The following TMEM245 variants were observed in gnomAD, a reference collection of about 807,000 sequenced individuals.
TMEM245 encodes the protein protein CG-2.
Under a neutral mutation model 101.2 loss-of-function variants are expected in TMEM245, and 69 were observed. That is an observed-to-expected ratio of 0.68 (90% confidence interval 0.56 to 0.83). The LOEUF is 0.83. Ranked by LOEUF, TMEM245 falls within the 40% of genes least tolerant of loss-of-function variation. The probability of loss-of-function intolerance (pLI) is 0.00; values close to 1 mark genes in which losing one functional copy is unlikely to be tolerated. For missense variants in TMEM245, 1,075 were observed against 1,092.8 expected (o/e 0.98, Z 0.23); for synonymous variants, 537 against 449.8 (o/e 1.19, Z -2.45).
chr9:109,116,514 G>A (rs906399495), intron 1 of TMEM245, among the ~76,000 whole-genome samples: 1 of 151,476 alleles, frequency 6.6e-6, no homozygotes, highest in Non-Finnish European at 1.5e-5. Flanking sequence ...CACTGTGCCT[G>A]GCCTTTAATC....
intron 15 of TMEM245, 32 bp downstream of exon 15, chr9:109,037,985 G>A (rs768356477): frequency 6.7e-7 from 1 of 1,491,972 alleles, no homozygotes; most frequent in Admixed American, 2.2e-5. Flanking sequence ...TCCTTAAATA[G>A]CGAATAGTGG....
chr9:109,034,872 T>C (rs1387331581), intron 16 of TMEM245, among the ~76,000 whole-genome samples: 1 of 152,118 alleles, frequency 6.6e-6, no homozygotes, highest in Non-Finnish European at 1.5e-5. Context: ...AGACAGTATT[T>C]TAGGCCGGGC....
In TMEM245 at chr9:109,020,468, C is replaced by T; in HGVS notation, c.2632G>A (p.Val878Ile). The T allele has an allele frequency of 5.0e-6, 8 of 1,614,104 alleles. No individual in the cohort carries two copies. Among genetic ancestry groups the T allele is most frequent in the Non-Finnish European group, 6.8e-6 (8 of 1,179,988 alleles). The change falls in exon 18 of 18, where the codon GTA becomes ATA. Residue 878 changes from valine (V) to isoleucine (I), a missense_variant. Val to Ile is a conservative substitution (Grantham distance 29). Coordinates refer to ENST00000374586, the MANE Select transcript of TMEM245 (RefSeq NM_032012.4). ...RDISEDLKSS[V>I]G ...CTGCAGAGGAAACCACATCAACCTA[C>T]TGAAGATTTCAGATCTTCAGAAATG...
intron 3 of TMEM245, among the ~76,000 whole-genome samples, chr9:109,104,885 A>G (rs1830369527): frequency 6.6e-6 from 1 of 152,228 alleles, no homozygotes; most frequent in South Asian, 2.1e-4. Context: ...TGACCTAAAT[A>G]TAAGAGATAA....
chr9:109,039,653 G>C (rs1005691051), intron 14 of TMEM245, among the ~76,000 whole-genome samples: 5 of 152,034 alleles, frequency 3.3e-5, no homozygotes, highest in Admixed American at 1.3e-4. Context: ...CATCTTAAAA[G>C]GGCAAGTGGA....
chr9:109,041,290 C>T (rs180892117), intron 14 of TMEM245, among the ~76,000 whole-genome samples: 13 of 152,056 alleles, frequency 8.5e-5, no homozygotes, highest in African/African-American at 2.4e-4. Flanking sequence ...TCAGCCCCCC[C>T]AAAAGAAGGA....
intron 12 of TMEM245, among the ~76,000 whole-genome samples, chr9:109,055,300 T>C (rs1193055786): frequency 1.3e-5 from 2 of 152,228 alleles, no homozygotes; most frequent in Non-Finnish European, 2.9e-5. Flanking sequence ...ATTTTGTGTA[T>C]GCACTGGCAT....
intron 1 of TMEM245, among the ~76,000 whole-genome samples, chr9:109,112,729 CT>C (rs1454624804): frequency 6.6e-6 from 1 of 152,014 alleles, no homozygotes; most frequent in African/African-American, 2.4e-5. Context: ...ATTTAGGAGC[CT>C]TTACATCAAG....
At chr9:109,042,426 C>T (rs2132349476) in intron 14 of TMEM245, 1 of 152,388 alleles carries the variant, frequency 6.6e-6, no homozygotes, top group Admixed American at 6.5e-5. Flanking sequence ...AGAGAGGGAA[C>T]AGAGCAATCT....
chr9:109,112,338 C>G (rs968760472), intron 1 of TMEM245, among the ~76,000 whole-genome samples: 1 of 151,872 alleles, frequency 6.6e-6, no homozygotes, highest in East Asian at 1.9e-4. Context: ...GTCAGGAGTT[C>G]GAGACCAGCC....
chr9:109,025,775 G>A (rs1390242908), intron 17 of TMEM245, among the ~76,000 whole-genome samples: 1 of 152,168 alleles, frequency 6.6e-6, no homozygotes, highest in Non-Finnish European at 1.5e-5. Flanking sequence ...CCCTAAACAA[G>A]CCCACTATTA....
intron 1 of TMEM245, among the ~76,000 whole-genome samples, chr9:109,112,891 C>T (rs1830604369): frequency 6.6e-6 from 1 of 152,094 alleles, no homozygotes; most frequent in Admixed American, 6.5e-5. Context: ...GCCTAGCCAA[C>T]ATGGTGAAAC....
At chr9:109,112,347 C>A (rs1314747548) in intron 1 of TMEM245, among the ~76,000 whole-genome samples, 6 of 151,860 alleles carry the variant, frequency 4.0e-5, no homozygotes, top group Admixed American at 2.0e-4. Context: ...TCGAGACCAG[C>A]CTGGCCAATG....
chr9:109,084,510 C>T (rs1007379610), intron 7 of TMEM245, among the ~76,000 whole-genome samples: 4 of 152,080 alleles, frequency 2.6e-5, no homozygotes, highest in Non-Finnish European at 5.9e-5. Context: ...CAAATTTAAT[C>T]CAATGAATTT....
At chr9:109,050,242 A>C in intron 14 of TMEM245, 41 bp downstream of exon 14, 1 of 1,605,450 alleles carries the variant, frequency 6.2e-7, no homozygotes, top group Non-Finnish European at 8.5e-7. Flanking sequence ...ATGGAAAAAA[A>C]GTTCTGGGAG....
chr9:109,049,097 A>G (rs1283168676), intron 14 of TMEM245, among the ~76,000 whole-genome samples: 3 of 152,232 alleles, frequency 2.0e-5, no homozygotes, highest in African/African-American at 4.8e-5. Flanking sequence ...TAAGCAAGTG[A>G]CATGATGCTA....
chr9:109,099,740 C>T (rs1217897308), intron 3 of TMEM245, among the ~76,000 whole-genome samples: 3 of 152,152 alleles, frequency 2.0e-5, no homozygotes, highest in African/African-American at 4.8e-5. Context: ...ACATACTGAA[C>T]GTGGATTCCA....
At chr9:109,092,243 GTGAA>G (rs1830028096) in intron 4 of TMEM245, among the ~76,000 whole-genome samples, 1 of 152,216 alleles carries the variant, frequency 6.6e-6, no homozygotes, top group African/African-American at 2.4e-5. Context: ...CACTAAATAA[GTGAA>G]TGAATGACTT....
chr9:109,044,644 T>A (rs1479338148), intron 14 of TMEM245, among the ~76,000 whole-genome samples: 1 of 152,126 alleles, frequency 6.6e-6, no homozygotes, highest in Non-Finnish European at 1.5e-5. Flanking sequence ...ACTCGCCAGC[T>A]CCCTTGACTG....
Sources: allele counts gnomAD v4.1 joint callset (sites outside exome capture counted in the v4.1 genomes callset), GRCh38; gene constraint gnomAD v4.1.1; transcripts MANE v1.5; gene names NCBI Gene and HGNC (gene_info 2026-07-23, HGNC 2026-07-21).